Variants in OPCML observed in about 807,000 individuals in gnomAD.
OPCML encodes the protein opioid-binding protein/cell adhesion molecule.
OPCML carries 13 observed loss-of-function variants against 37.8 expected under a neutral mutation model. The observed-to-expected ratio is 0.34, with a 90% CI of 0.22 to 0.55. The LOEUF (loss-of-function observed/expected upper bound fraction) is 0.55. Among genes scored for constraint, OPCML ranks in the 20% least tolerant of loss-of-function variants. OPCML has a pLI of 0.91. For synonymous variants in OPCML, 176 were observed against 168.8 expected, an observed-to-expected ratio of 1.04 and a Z score of -0.33; for missense variants, 341 against 435.6, an observed-to-expected ratio of 0.78 and a Z score of 1.93.
intron 4 of OPCML, among the ~76,000 whole-genome samples, chr11:132,486,262 A>G (rs2096199516): frequency 6.6e-6 from 1 of 152,148 alleles, no homozygotes; most frequent in Non-Finnish European, 1.5e-5. Flanking sequence ...CATACGTGTC[A>G]CCCAGCATGA....
At chr11:132,516,552 C>T (rs1056325073) in intron 4 of OPCML, among the ~76,000 whole-genome samples, 2 of 152,184 alleles carry the variant, frequency 1.3e-5, no homozygotes, top group Non-Finnish European at 2.9e-5. Flanking sequence ...AGGTACCATA[C>T]CTGCTCTCAA....
chr11:132,421,494 T>C (rs930764631), intron 7 of OPCML, among the ~76,000 whole-genome samples: 10 of 152,186 alleles, frequency 6.6e-5, no homozygotes, highest in African/African-American at 2.4e-4. Context: ...TGAGGATTCA[T>C]GCCTTGCCCA....
At position 133,328,811 on chromosome 11, in the gene OPCML, T is replaced by G. The variant is rs192957463; in HGVS notation, c.61+203453A>C. Among the ~76,000 whole-genome samples the G allele has an allele frequency of 7.5e-3, 1,149 of 152,216 alleles. 16 individuals are homozygous for G. Among genetic ancestry groups the G allele is most frequent in the African/African-American group, 0.026 (1,076 of 41,508 alleles). ...CCTCTCTCACCTCTCCTATTCAACA[T>G]AGTGTCGGAAGTTCTGGCCAGGGCA... On this transcript the variant is annotated intron_variant, in intron 1 of 7. Transcript: ENST00000524381.
intron 1 of OPCML, among the ~76,000 whole-genome samples, chr11:133,367,388 G>T (rs138547517): frequency 3.7e-4 from 57 of 152,314 alleles, no homozygotes; most frequent in Non-Finnish European, 6.9e-4. Context: ...AAGGGAGACT[G>T]AGGGCAGAAA....
At chr11:132,770,825 CAG>C (rs1173559701) in intron 2 of OPCML, among the ~76,000 whole-genome samples, 2 of 152,196 alleles carry the variant, frequency 1.3e-5, no homozygotes, top group South Asian at 4.2e-4. Flanking sequence ...AGGGGGGACT[CAG>C]GGGGCCCAGT....
At chr11:132,737,786 G>T (rs1386547009) in intron 2 of OPCML, among the ~76,000 whole-genome samples, 5 of 152,110 alleles carry the variant, frequency 3.3e-5, no homozygotes, top group Admixed American at 3.3e-4. Context: ...CCTTATTCTG[G>T]TATAGTCTTA....
At chr11:133,143,475 T>G (rs568302349) in intron 1 of OPCML, among the ~76,000 whole-genome samples, 3 of 152,194 alleles carry the variant, frequency 2.0e-5, no homozygotes, top group African/African-American at 7.2e-5. Flanking sequence ...CCAGAATGCA[T>G]GCATGGAGCA....
chr11:132,877,915 C>T (rs1943080268), intron 2 of OPCML, among the ~76,000 whole-genome samples: 1 of 152,124 alleles, frequency 6.6e-6, no homozygotes, highest in Non-Finnish European at 1.5e-5. Flanking sequence ...TTTTCTTTTT[C>T]CCTGACAAAT....
chr11:133,057,301 A>G (rs1948258011), intron 1 of OPCML, among the ~76,000 whole-genome samples: 1 of 152,226 alleles, frequency 6.6e-6, no homozygotes, highest in Non-Finnish European at 1.5e-5. Flanking sequence ...AATGTAGATC[A>G]TAGATTGGCA....
chr11:132,650,084 GGTTGTGGAGGTTACAAAT>G (rs1161424224), intron 3 of OPCML, among the ~76,000 whole-genome samples: 1 of 152,118 alleles, frequency 6.6e-6, no homozygotes, highest in Non-Finnish European at 1.5e-5. Context: ...GCTTGACGTG[GGTTGTGGAGGTTACAAAT>G]GTTAGAGAAG....
chr11:133,108,470 A>G (rs1286983848), intron 1 of OPCML, among the ~76,000 whole-genome samples: 1 of 152,200 alleles, frequency 6.6e-6, no homozygotes. Flanking sequence ...CAAGGAGGAA[A>G]TACCCCTGAA....
intron 4 of OPCML, among the ~76,000 whole-genome samples, chr11:132,447,311 T>C (rs911538242): frequency 6.6e-6 from 1 of 152,172 alleles, no homozygotes; most frequent in Non-Finnish European, 1.5e-5. Flanking sequence ...CTTTGTTTTC[T>C]TTTGAGACAG....
intron 1 of OPCML, among the ~76,000 whole-genome samples, chr11:133,382,929 G>A (rs144070921): frequency 4.9e-4 from 74 of 152,294 alleles, no homozygotes; most frequent in African/African-American, 1.7e-3. Flanking sequence ...TGACCTCCTT[G>A]AATTTGGAGC....
At chr11:133,188,728 G>T (rs1283946163) in intron 1 of OPCML, among the ~76,000 whole-genome samples, 9 of 152,076 alleles carry the variant, frequency 5.9e-5, no homozygotes, top group Non-Finnish European at 8.8e-5. Flanking sequence ...TTAACTATAG[G>T]TAGTTTATGT....
chr11:133,448,415 C>T (rs1946514380), intron 1 of OPCML, among the ~76,000 whole-genome samples: 1 of 152,024 alleles, frequency 6.6e-6, no homozygotes, highest in Non-Finnish European at 1.5e-5. Flanking sequence ...TAACCTTGTC[C>T]CGGTACCACC....
At chr11:132,824,697 T>C (rs1940196314) in intron 2 of OPCML, among the ~76,000 whole-genome samples, 1 of 152,174 alleles carries the variant, frequency 6.6e-6, no homozygotes, top group African/African-American at 2.4e-5. Context: ...GTGGTCTTTC[T>C]AATCCAAAAA....
intron 1 of OPCML, among the ~76,000 whole-genome samples, chr11:133,151,071 G>A (rs1228784114): frequency 5.3e-5 from 8 of 151,580 alleles, no homozygotes; most frequent in Admixed American, 5.3e-4. Context: ...TCAGGAGTTC[G>A]AGACCAGCCT....
chr11:133,243,499 T>G (rs1384942189), intron 1 of OPCML, among the ~76,000 whole-genome samples: 1 of 152,220 alleles, frequency 6.6e-6, no homozygotes, highest in African/African-American at 2.4e-5. Context: ...TGTAAATGTG[T>G]TCACAGCAAG....
chr11:132,590,677 T>C (rs1373168394), intron 3 of OPCML, among the ~76,000 whole-genome samples: 2 of 152,166 alleles, frequency 1.3e-5, no homozygotes, highest in Non-Finnish European at 2.9e-5. Flanking sequence ...GACTCTGCTC[T>C]TAACCATGAC....
Sources: gnomAD v4.1 joint callset for allele counts (sites outside exome capture counted in the v4.1 genomes callset) on GRCh38, gnomAD v4.1.1 for gene constraint, MANE v1.5 for transcripts, NCBI Gene and HGNC (gene_info 2026-07-23, HGNC 2026-07-21) for gene names.